Variants in GAS6 observed in about 807,000 individuals in gnomAD.
The protein encoded by GAS6 is growth arrest specific 6, also known as growth arrest-specific protein 6.
GAS6 carries 41 observed loss-of-function variants against 75.8 expected under a neutral mutation model. The ratio of observed to expected loss-of-function variants is 0.54; its 90% CI spans 0.42 to 0.70. The LOEUF (loss-of-function observed/expected upper bound fraction) is 0.70. Among genes scored for constraint, GAS6 ranks in the 30% least tolerant of loss-of-function variants. The pLI is 0.00. For missense variants in GAS6, 854 were observed against 940.2 expected, an observed-to-expected ratio of 0.91 and a Z score of 1.20; for synonymous variants, 432 against 412.6, an observed-to-expected ratio of 1.05 and a Z score of -0.57.
rs2051444851 is a variant in GAS6 at position 113,820,861 on chromosome 13, G to A, written c.*3C>T. ...TGAGAAGCCTGCCGCGTCCCGTGGG[G>A]GCCTAGGCTGCGGCGGGCTCCACGG... On this transcript the variant is annotated 3_prime_UTR_variant, in exon 15 of 15. Transcript: ENST00000327773. The A allele has an allele frequency of 9.3e-6, 15 of 1,609,232 alleles. No homozygotes were observed. The highest frequency in any genetic ancestry group is 1.3e-5 in the Non-Finnish European group (15 of 1,179,394).
intron 11 of GAS6, among the ~76,000 whole-genome samples, chr13:113,828,221 G>A (rs552713702): frequency 5.3e-4 from 81 of 152,182 alleles, no homozygotes; most frequent in South Asian, 1.5e-3. Context: ...CCGAGATCGC[G>A]CCACTGCACT....
At chr13:113,825,889 C>T (rs900025527) in intron 12 of GAS6, among the ~76,000 whole-genome samples, 2 of 152,188 alleles carry the variant, frequency 1.3e-5, no homozygotes, top group Admixed American at 1.3e-4. Flanking sequence ...CGTGGATCCC[C>T]TTGAACCTGG....
intron 4 of GAS6, 104 bp from the exon 5 acceptor site, chr13:113,839,954 A>G: frequency 6.5e-7 from 1 of 1,543,374 alleles, no homozygotes; most frequent in Non-Finnish European, 8.9e-7. Flanking sequence ...TCCAGCCCGG[A>G]GGAGCTCTGA....
At chr13:113,821,275 A>T in intron 14 of GAS6, 1 of 540,758 alleles carries the variant, frequency 1.8e-6, no homozygotes, top group South Asian at 2.3e-5. Context: ...CCCATCGGTT[A>T]AACGTGATCT....
chr13:113,833,469 T>C, intron 8 of GAS6: 1 of 989,960 alleles, frequency 1.0e-6, no homozygotes, highest in Non-Finnish European at 1.2e-6. Flanking sequence ...TTTAAATAAA[T>C]GCTCACTCTC....
In GAS6 at chr13:113,837,918, G is replaced by C; in HGVS notation, c.589+151C>G. 1.1e-6 allele frequency: 1 copy of C among 880,960 alleles called. No individual in the cohort carries two copies. The highest frequency in any genetic ancestry group is 1.7e-6 in the Non-Finnish European group (1 of 579,522). The allele number at this position is 880,960 out of a possible 1,614,324, so 54.6% of individuals were successfully genotyped here. ...CGAGCAGCTCCCTGTGCTGCGGCTGGCCTGGGCTTGTGTAGTCTCTGCAGG... is the reference window on the plus strand; with the variant it reads ...CGAGCAGCTCCCTGTGCTGCGGCTGCCCTGGGCTTGTGTAGTCTCTGCAGG... On this transcript the variant is annotated intron_variant, in intron 6 of 14. Coordinates refer to ENST00000327773, the MANE Select transcript of GAS6 (RefSeq NM_000820.4). This position sits in a 1 kb window ranked among gnomAD's most constrained non-coding sequence, Gnocchi z 5.1.
At chr13:113,830,218 C>T (rs1007781447) in intron 10 of GAS6, among the ~76,000 whole-genome samples, 2 of 152,158 alleles carry the variant, frequency 1.3e-5, no homozygotes, top group Non-Finnish European at 1.5e-5. Context: ...GGTACAAATT[C>T]GGGTCAGCTG....
intron 2 of GAS6, among the ~76,000 whole-genome samples, chr13:113,853,610 G>A (rs1157203294): frequency 1.3e-5 from 2 of 152,216 alleles, no homozygotes; most frequent in Non-Finnish European, 2.9e-5. Context: ...GGAGACTGCT[G>A]AGCACAGGGA....
At chr13:113,862,810 C>A (rs1043855474) in intron 2 of GAS6, among the ~76,000 whole-genome samples, 1 of 152,222 alleles carries the variant, frequency 6.6e-6, no homozygotes, top group Admixed American at 6.5e-5. Flanking sequence ...GAAAACTTCG[C>A]TATGAAATCA....
At chr13:113,854,398 AACGCCGAGACTCGCCCCGCATGGCAGTG>A (rs1451075298) in intron 2 of GAS6, among the ~76,000 whole-genome samples, 3 of 152,248 alleles carry the variant, frequency 2.0e-5, no homozygotes, top group African/African-American at 7.2e-5. Context: ...GCACGGCGGT[AACGCCGAGACTCGCCCCGCATGGCAGTG>A]ACGCCGAGAC....
intron 2 of GAS6, among the ~76,000 whole-genome samples, chr13:113,853,747 C>T (rs1175928233): frequency 1.3e-5 from 2 of 152,218 alleles, no homozygotes; most frequent in African/African-American, 2.4e-5. Context: ...CTCAGAGTAA[C>T]GCCCACAGGA....
chr13:113,862,727 A>G (rs1244130226), intron 2 of GAS6, among the ~76,000 whole-genome samples: 1 of 152,146 alleles, frequency 6.6e-6, no homozygotes, highest in African/African-American at 2.4e-5. Context: ...TTCATCCAGA[A>G]CCACTCTTTC....
chr13:113,821,687 AT>A (rs2051460917), intron 14 of GAS6: 2 of 484,980 alleles, frequency 4.1e-6, no homozygotes, highest in Non-Finnish European at 7.3e-6. Context: ...GTGTGGACGA[AT>A]GCTCCCTGAA....
At position 113,827,173 on chromosome 13, in the gene GAS6, G is replaced by T. The variant is rs1461748614; in HGVS notation, c.1309-9C>A. 1.9e-6 allele frequency: 3 copies of T among 1,608,440 alleles called. No individual in the cohort carries two copies. Among genetic ancestry groups the T allele is most frequent in the Admixed American group, 3.4e-5 (2 of 59,518 alleles). ...TCCAGACGAGGGTTTATCTGGAAAG[G>T]CAGAGAAATCTCCGTGGCTTCCTGG... is the stretch of plus-strand genomic sequence containing the variant. On this transcript the variant is annotated splice_polypyrimidine_tract_variant and intron_variant, in intron 11 of 14. Transcript: ENST00000327773.
rs754407477 is a variant in GAS6 at position 113,820,908 on chromosome 13, T to C, written c.1993A>G (p.Ile665Val). 7 of 1,612,084 alleles carry C rather than the reference T, an allele frequency of 4.3e-6. No individual in the cohort carries two copies. The highest frequency in any genetic ancestry group is 4.5e-5 in the East Asian group (2 of 44,862). The change falls in exon 15 of 15, where the codon ATC becomes GTC. Residue 665 changes from isoleucine to valine, a missense_variant. Ile to Val is a conservative substitution (Grantham distance 29). Transcript: ENST00000327773. ...ACGGGGGGGCAGGAGTGGGCCGTGATGTCGCTGTGCTTGTACGCCGCCTCG... is the reference window on the plus strand; with the variant it reads ...ACGGGGGGGCAGGAGTGGGCCGTGACGTCGCTGTGCTTGTACGCCGCCTCG... ...LDEAAYKHSDITAHSCPPVEP... is the reference protein window; with the variant it reads ...LDEAAYKHSDVTAHSCPPVEP...
rs749600699 is a variant in GAS6, at chr13:113,848,601, G to A, written c.256-551C>T. Among the ~76,000 whole-genome samples, 6 of 152,122 alleles carry A rather than the reference G, an allele frequency of 3.9e-5. No homozygotes were observed. The highest frequency in any genetic ancestry group is 2.1e-4 in the South Asian group (1 of 4,820). On this transcript the variant is annotated intron_variant, in intron 2 of 14. Coordinates refer to ENST00000327773, the MANE Select transcript of GAS6 (RefSeq NM_000820.4). The surrounding 1 kb of genome is among the most constrained non-coding windows in gnomAD (Gnocchi z 4.8). ...GCCTGTCACTTGGCCAGCAGAGGCC[G>A]GCCGGAAACTTCTTCAGGATCCTTT...
chr13:113,836,149 T>C, intron 6 of GAS6: 6 of 720,760 alleles, frequency 8.3e-6, no homozygotes, highest in Non-Finnish European at 9.7e-6. Context: ...AACCCTGAAA[T>C]GAAGAGCCCT....
chr13:113,843,205 G>C (rs10220092), intron 4 of GAS6: 7 of 218,308 alleles, frequency 3.2e-5, no homozygotes, highest in Non-Finnish European at 5.3e-5. Flanking sequence ...TCCCCATCCC[G>C]CAAGCTGGGC....
intron 2 of GAS6, among the ~76,000 whole-genome samples, chr13:113,856,445 T>C (rs1268576111): frequency 1.3e-5 from 2 of 152,126 alleles, no homozygotes; most frequent in East Asian, 3.9e-4. Context: ...GTTACACAGT[T>C]GTCATGAGGA....
Sources: gnomAD v4.1 joint callset for allele counts (sites outside exome capture counted in the v4.1 genomes callset) on GRCh38, gnomAD v4.1.1 for gene constraint, Gnocchi (gnomAD v3.1) non-coding constraint, MANE v1.5 for transcripts, NCBI Gene and HGNC (gene_info 2026-07-23, HGNC 2026-07-21) for gene names.